ZNF28: variants seen among roughly 807,000 people sequenced by gnomAD.
The protein encoded by ZNF28 is zinc finger protein KOX24.
A neutral mutation model predicts 7.2 loss-of-function variants in ZNF28; 5 were observed. The ratio of observed to expected loss-of-function variants is 0.70; its 90% CI spans 0.36 to 1.46. The LOEUF (loss-of-function observed/expected upper bound fraction) is 1.46, where lower values mean the gene tolerates loss of function less well. ZNF28 is among the 40% of genes most tolerant of loss of function. The pLI is 0.03. For synonymous variants in ZNF28, 288 were observed against 292.4 expected (o/e 0.99, Z 0.15); for missense variants, 879 against 866.6 (o/e 1.01, Z -0.18).
chr19:52,810,479 G>T (rs1226180905), intron 2 of ZNF28: 2 of 1,586,828 alleles, frequency 1.3e-6, no homozygotes, highest in African/African-American at 1.3e-5. Context: ...GACTTCCTTG[G>T]CCTTGGATGA....
chr19:52,809,191 TAGA>T (rs1182354468), intron 2 of ZNF28, among the ~76,000 whole-genome samples: 2 of 152,212 alleles, frequency 1.3e-5, no homozygotes, highest in Admixed American at 6.5e-5. Flanking sequence ...TGCCCCATCC[TAGA>T]AGAAGCAATC....
chr19:52,799,520 G>T lies in ZNF28; in HGVS notation c.*168C>A. 7.8e-7 allele frequency: 1 copy of T among 1,276,516 alleles called. No individual in the cohort carries two copies. Among genetic ancestry groups the T allele is most frequent in the East Asian group, 2.3e-5 (1 of 43,268 alleles). The allele number at this position is 1,276,516 out of a possible 1,614,324, so 79.1% of individuals were successfully genotyped here. A position where few individuals can be genotyped will look rare whatever the true frequency, so the allele number is the denominator to read the frequency against. On this transcript the variant is annotated 3_prime_UTR_variant, in exon 4 of 4. Coordinates refer to ENST00000457749, the MANE Select transcript of ZNF28 (RefSeq NM_006969.5). ...AAACCTTGCCACATTCATTACACTTGTAAAGTTTCTCTCCAGTATGAATGG... is the reference window on the plus strand; with the variant it reads ...AAACCTTGCCACATTCATTACACTTTTAAAGTTTCTCTCCAGTATGAATGG...
At chr19:52,809,828 C>CGGCGGCGGA in intron 2 of ZNF28, 1 of 551,048 alleles carries the variant, frequency 1.8e-6, no homozygotes, top group Non-Finnish European at 3.2e-6. Flanking sequence ...GCGAAGGCGG[C>CGGCGGCGGA]GGCGGCGGCG....
rs368676795 is a variant in ZNF28 at position 52,813,372 on chromosome 19, A to G, written c.15+4572T>C. On this transcript the variant is annotated intron_variant, in intron 2 of 3. Transcript: ENST00000457749. ...CAGGGAGTGGGGCAGGGGGCGGCTTATTCACTCTGGGGATTCGCCATGGAC... is the reference window on the plus strand; with the variant it reads ...CAGGGAGTGGGGCAGGGGGCGGCTTGTTCACTCTGGGGATTCGCCATGGAC... Among the ~76,000 whole-genome samples the G allele has an allele frequency of 8.0e-5, 12 of 150,130 alleles. No individual in the cohort carries two copies. The East Asian group carries it at 2.3e-3, about 29-fold the overall frequency.
In ZNF28 at chr19:52,815,043, G is replaced by A. The variant is rs1349673108; in HGVS notation, c.15+2901C>T. Among the ~76,000 whole-genome samples the A allele has an allele frequency of 2.8e-5, 4 of 143,844 alleles. No individual in the cohort carries two copies. The East Asian group carries it at 8.0e-4, about 29-fold the overall frequency. 94.4% of individuals were successfully genotyped at this position (143,844 alleles called of 152,430 possible). Reference sequence around the variant, plus strand: ...TTCCCCAGACTTTCAAAGTATACATGTGTGTATATATGTATGTATATGTAT... The same window carrying A: ...TTCCCCAGACTTTCAAAGTATACATATGTGTATATATGTATGTATATGTAT... On this transcript the variant is annotated intron_variant, in intron 2 of 3. Transcript: ENST00000457749.
At chr19:52,820,525 C>T (rs1033811035) in intron 1 of ZNF28, among the ~76,000 whole-genome samples, 1 of 152,082 alleles carries the variant, frequency 6.6e-6, no homozygotes, top group South Asian at 2.1e-4. Context: ...ATTCTCTCTT[C>T]TCTGTTATAA....
Position 52,800,092 on chromosome 19 carries a change from C to A in ZNF28, c.1753G>T (p.Asp585Tyr), listed in dbSNP as rs764830480. ...TGTGAATCCCTCCGGAAAGCCTTGTCACAAACCTTACATTTGTACGGTTTC... is the reference window on the plus strand; with the variant it reads ...TGTGAATCCCTCCGGAAAGCCTTGTAACAAACCTTACATTTGTACGGTTTC... ...GEKPYKCKVC[D>Y]KAFRRDSHLA... Residue 585 changes from aspartate to tyrosine, a missense_variant, in exon 4 of 4, where the codon GAC (aspartate) becomes TAC (tyrosine). Around this residue, in one of 2 missense-constraint regions of ZNF28, gnomAD observed 864 missense variants for 830.2 expected, o/e 1.04. Transcript: ENST00000457749. The A allele has an allele frequency of 1.6e-5, 26 of 1,613,992 alleles. No homozygotes were observed. In the Middle Eastern group the frequency reaches 4.9e-4, roughly 31 times the overall value.
At chr19:52,810,779 C>T in intron 2 of ZNF28, 1 of 393,498 alleles carries the variant, frequency 2.5e-6, no homozygotes, top group Non-Finnish European at 4.1e-6. Context: ...AAAAAAAAAC[C>T]CAAAAAAAAC....
Position 52,815,321 on chromosome 19 carries a change from G to A in ZNF28, c.15+2623C>T, listed in dbSNP as rs556299472. 2.8e-5 allele frequency among the ~76,000 whole-genome samples: 4 copies of A among 143,574 alleles called. No individual in the cohort carries two copies. The East Asian group carries it at 8.2e-4, about 30-fold the overall frequency. The allele number at this position is 143,574 out of a possible 152,430, so 94.2% of individuals were successfully genotyped here. ...ACCTGAAGACAGGAGTTCAACATCA[G>A]CCTGGCCAACATGGTGAAACTCTTG... On this transcript the variant is annotated intron_variant, in intron 2 of 3. Coordinates refer to ENST00000457749, the MANE Select transcript of ZNF28 (RefSeq NM_006969.5).
intron 2 of ZNF28, among the ~76,000 whole-genome samples, chr19:52,814,882 G>T (rs2063102375): frequency 6.8e-6 from 1 of 146,154 alleles, no homozygotes; most frequent in Non-Finnish European, 1.5e-5. Context: ...GCCAGACCTT[G>T]TCTCAAAATA....
chr19:52,816,444 A>G (rs1189048206), intron 2 of ZNF28, among the ~76,000 whole-genome samples: 10 of 145,358 alleles, frequency 6.9e-5, no homozygotes, highest in Non-Finnish European at 1.5e-4. Context: ...GTGGGAGGAT[A>G]ACGAGGTCAG....
At chr19:52,805,647 T>TAAATAAATAAATAAATAAAC (rs1414114487) in intron 3 of ZNF28, 1 of 149,216 alleles carries the variant, frequency 6.7e-6, no homozygotes, top group Non-Finnish European at 1.5e-5. Context: ...ATAATAAAAA[T>TAAATAAATAAATAAATAAAC]AAATAAATAA....
intron 2 of ZNF28, among the ~76,000 whole-genome samples, chr19:52,816,647 G>C (rs977278656): frequency 1.7e-5 from 2 of 117,522 alleles, no homozygotes; most frequent in Non-Finnish European, 3.4e-5. Flanking sequence ...CTGGGTGACA[G>C]AGTGAAAACA....
At chr19:52,810,740 A>T in intron 2 of ZNF28, 1 of 687,526 alleles carries the variant, frequency 1.5e-6, no homozygotes, top group Non-Finnish European at 2.6e-6. Flanking sequence ...AGAGGAAAAA[A>T]AGAGGAAAGA....
chr19:52,798,549 T>TAGAC lies in ZNF28; in HGVS notation c.*1138_*1139insGTCT. On this transcript the variant is annotated 3_prime_UTR_variant, in exon 4 of 4. Transcript: ENST00000457749. ...TTTCTGTCCAGCATGGATTCTCTGATGTCTATTGAGGTGTGAATGTGAAGT... is the reference window on the plus strand; with the variant it reads ...TTTCTGTCCAGCATGGATTCTCTGATAGACGTCTATTGAGGTGTGAATGTGAAGT... 1 of 509,232 alleles carries TAGAC rather than the reference T, an allele frequency of 2.0e-6. No individual in the cohort carries two copies. Among genetic ancestry groups the TAGAC allele is most frequent in the Non-Finnish European group, 4.0e-6 (1 of 248,916 alleles). 31.5% of individuals were successfully genotyped at this position (509,232 alleles called of 1,614,324 possible).
chr19:52,815,327 C>A (rs1303639065), intron 2 of ZNF28, among the ~76,000 whole-genome samples: 1 of 142,850 alleles, frequency 7.0e-6, no homozygotes, highest in Non-Finnish European at 1.5e-5. Context: ...ATCAGCCTGG[C>A]CAACATGGTG....
chr19:52,804,641 G>A (rs1234947914), intron 3 of ZNF28, among the ~76,000 whole-genome samples: 1 of 152,140 alleles, frequency 6.6e-6, no homozygotes, highest in Non-Finnish European at 1.5e-5. Context: ...AAAGTGCCAG[G>A]ATTACAGGTG....
In ZNF28 at chr19:52,818,355, T is replaced by C. The variant is rs543820091; in HGVS notation, c.-73-324A>G. 2.2e-4 allele frequency among the ~76,000 whole-genome samples: 33 copies of C among 152,248 alleles called. 1 individual carries two copies. The highest frequency in any genetic ancestry group is 6.3e-4 in the African/African-American group (26 of 41,560). On this transcript the variant is annotated intron_variant, in intron 1 of 3. Coordinates refer to ENST00000457749, the MANE Select transcript of ZNF28 (RefSeq NM_006969.5). ...TACTTAGGAAGCTGAGGTGGAAGGATCACTTGAGCTCAGAAGTTCGAGACC... is the reference window on the plus strand; with the variant it reads ...TACTTAGGAAGCTGAGGTGGAAGGACCACTTGAGCTCAGAAGTTCGAGACC...
intron 2 of ZNF28, chr19:52,810,768 T>TAA (rs201866551): frequency 4.8e-5 from 21 of 437,340 alleles, no homozygotes; most frequent in Admixed American, 3.9e-4. Context: ...AAAAAAAGAA[T>TAA]AAAAAAAAAC....
Sources: allele counts gnomAD v4.1 joint callset (sites outside exome capture counted in the v4.1 genomes callset), GRCh38; gene constraint gnomAD v4.1.1; regional missense constraint gnomAD v4.1.1; transcripts MANE v1.5; gene names NCBI Gene and HGNC (gene_info 2026-07-23, HGNC 2026-07-21).